The following VAV3 variants were observed in gnomAD, a reference collection of about 807,000 sequenced individuals.
VAV3 encodes the protein guanine nucleotide exchange factor VAV3.
In VAV3, 94 loss-of-function variants were observed where a neutral mutation model predicts 131.2. The ratio of observed to expected loss-of-function variants is 0.72; its 90% confidence interval spans 0.61 to 0.85. VAV3 has a LOEUF of 0.85. Ranked by LOEUF, VAV3 falls within the 40% of genes least tolerant of loss-of-function variation. The pLI is 0.00. For missense variants in VAV3, 939 were observed against 1,002.7 expected, an observed-to-expected ratio of 0.94 and a Z score of 0.86; for synonymous variants, 349 against 342.0, an observed-to-expected ratio of 1.02 and a Z score of -0.22.
chr1:107,629,804 A>T (rs1654316139), intron 20 of VAV3, among the ~76,000 whole-genome samples: 1 of 152,186 alleles, frequency 6.6e-6, no homozygotes, highest in Non-Finnish European at 1.5e-5. Context: ...ATAATAATAC[A>T]GACTAAATTA....
In VAV3 at chr1:107,772,756, C is replaced by T; in HGVS notation, c.534G>A (p.Lys178=). 6.2e-7 allele frequency: 1 copy of T among 1,613,566 alleles called. No individual in the cohort carries two copies. Among genetic ancestry groups the T allele is most frequent in the Non-Finnish European group, 8.5e-7 (1 of 1,179,742 alleles). ...CTACGGGCTGATGTGCTTCCTCTGC[C>T]TTCATTAAGTCCTCATAGACTTCTC... ...EGGEVYEDLM[K]AEEAHQPKCP... is the part of the protein sequence containing the mutation. The change falls in exon 5 of 27, where the codon AAG becomes AAA. Residue 178 remains lysine (K), a synonymous_variant. Coordinates refer to ENST00000370056, the MANE Select transcript of VAV3 (RefSeq NM_006113.5).
chr1:107,935,571 A>T (rs2101230573), intron 1 of VAV3, among the ~76,000 whole-genome samples: 1 of 152,354 alleles, frequency 6.6e-6, no homozygotes, highest in East Asian at 1.9e-4. Flanking sequence ...CAGAATGAGG[A>T]TGAACATTTC....
intron 21 of VAV3, among the ~76,000 whole-genome samples, chr1:107,614,191 T>C (rs1652965070): frequency 1.3e-5 from 2 of 152,158 alleles, no homozygotes; most frequent in South Asian, 2.1e-4. Flanking sequence ...CCAGGCTTTG[T>C]CTCTAGTTGC....
chr1:107,798,221 T>G (rs1013836842), intron 2 of VAV3, among the ~76,000 whole-genome samples: 2 of 152,226 alleles, frequency 1.3e-5, no homozygotes, highest in Non-Finnish European at 2.9e-5. Flanking sequence ...ATATTTATTC[T>G]AATTTCAACA....
At chr1:107,752,358 C>T (rs905596749) in intron 12 of VAV3, among the ~76,000 whole-genome samples, 1 of 152,140 alleles carries the variant, frequency 6.6e-6, no homozygotes, top group South Asian at 2.1e-4. Context: ...GTTTCAAATA[C>T]CCAAACATAA....
rs146720455 is a variant in VAV3, at chr1:107,698,486, T to C, written c.1705+6064A>G. ...AGCAAAGCTATAATGTACAATAGGT[T>C]AGGTGCATTGAATGCAGTTTTGACT... On this transcript the variant is annotated intron_variant, in intron 17 of 26. Coordinates refer to ENST00000370056, the MANE Select transcript of VAV3 (RefSeq NM_006113.5). 8.3e-4 allele frequency among the ~76,000 whole-genome samples: 127 copies of C among 152,358 alleles called. 1 individual carries two copies. The East Asian group carries it at 0.023, about 27-fold the overall frequency.
chr1:107,949,107 T>A (rs751892889), intron 1 of VAV3, among the ~76,000 whole-genome samples: 4 of 152,198 alleles, frequency 2.6e-5, no homozygotes, highest in Non-Finnish European at 4.4e-5. Context: ...ACAAGCTTAT[T>A]AGAATAGTGT....
intron 15 of VAV3, among the ~76,000 whole-genome samples, chr1:107,705,402 C>T (rs1398212234): frequency 6.6e-6 from 1 of 150,444 alleles, no homozygotes; most frequent in East Asian, 2.0e-4. Context: ...TCTGATAGTT[C>T]CTTGTCTGTA....
intron 7 of VAV3, among the ~76,000 whole-genome samples, chr1:107,768,022 A>G (rs1374280512): frequency 6.6e-6 from 1 of 152,206 alleles, no homozygotes; most frequent in African/African-American, 2.4e-5. Flanking sequence ...AGTAGAAGTC[A>G]AAGATGTGGA....
At chr1:107,688,017 C>T (rs1324359193) in intron 18 of VAV3, among the ~76,000 whole-genome samples, 4 of 152,162 alleles carry the variant, frequency 2.6e-5, no homozygotes, top group African/African-American at 7.2e-5. Flanking sequence ...ACTAATTCTA[C>T]GGAATTTCAG....
intron 1 of VAV3, among the ~76,000 whole-genome samples, chr1:107,912,045 TTTTG>T (rs145523872): frequency 0.028 from 4,315 of 152,284 alleles, 99 homozygotes; most frequent in East Asian, 0.1. Context: ...ACCAAGTGTT[TTTTG>T]TTTGTTTGTT....
At chr1:107,772,876 C>T in intron 4 of VAV3, 33 bp from the exon 5 acceptor site, 1 of 1,574,618 alleles carries the variant, frequency 6.4e-7, no homozygotes, top group Non-Finnish European at 8.7e-7. Context: ...AGGTCATTTT[C>T]TATTATGCAG....
At chr1:107,675,508 A>C (rs1658139598) in intron 19 of VAV3, among the ~76,000 whole-genome samples, 1 of 152,210 alleles carries the variant, frequency 6.6e-6, no homozygotes, top group African/African-American at 2.4e-5. Context: ...AAGTGCTATT[A>C]TGCATGAATA....
rs567830988 is a variant in VAV3, at chr1:107,614,963, T to C, written c.1980+2604A>G. Among the ~76,000 whole-genome samples the C allele has an allele frequency of 4.6e-5, 7 of 152,268 alleles. No homozygotes were observed. In the East Asian group the frequency reaches 1.2e-3, roughly 25 times the overall value. On this transcript the variant is annotated intron_variant, in intron 21 of 26. Transcript: ENST00000370056. ...ATATCCTGCCACCTGCCTACAGATA[T>C]ACATCACTACTTTACAGATAGGAAG... is the stretch of plus-strand genomic sequence containing the variant.
Position 107,874,958 on chromosome 1 carries a change from C to G in VAV3, c.264G>C (p.Met88Ile). The change falls in exon 2 of 27, where the codon ATG becomes ATC. Residue 88 changes from methionine to isoleucine, a missense_variant. Coordinates refer to ENST00000370056, the MANE Select transcript of VAV3 (RefSeq NM_006113.5). The part of the protein sequence containing the change: ...FLTACCETFG[M>I]RKSELFEAFD... ...ATGCCTCGAAAAGTTCACTTTTCCT[C>G]ATTCCAAACGTCTCACAACAGGCCG... 1 of 1,613,416 alleles carries G rather than the reference C, an allele frequency of 6.2e-7. No individual in the cohort carries two copies. Among genetic ancestry groups the G allele is most frequent in the Non-Finnish European group, 8.5e-7 (1 of 1,179,580 alleles).
chr1:107,878,651 A>C (rs998921267), intron 1 of VAV3, among the ~76,000 whole-genome samples: 1 of 152,134 alleles, frequency 6.6e-6, no homozygotes, highest in Admixed American at 6.5e-5. Flanking sequence ...TGAACTTCAT[A>C]TTTCATCACA....
chr1:107,863,109 T>C (rs538283507), intron 2 of VAV3, among the ~76,000 whole-genome samples: 2 of 152,204 alleles, frequency 1.3e-5, no homozygotes, highest in Non-Finnish European at 2.9e-5. Flanking sequence ...CTACATTAAT[T>C]TGAAACCCAC....
At chr1:107,921,398 G>A (rs1672891417) in intron 1 of VAV3, among the ~76,000 whole-genome samples, 1 of 152,168 alleles carries the variant, frequency 6.6e-6, no homozygotes, top group South Asian at 2.1e-4. Context: ...GTAAGGAACT[G>A]GGGAAAGGTA....
Position 107,821,860 on chromosome 1 carries a change from C to T in VAV3, c.322-42368G>A, listed in dbSNP as rs563909196. Among the ~76,000 whole-genome samples, 12 of 152,254 alleles carry T rather than the reference C, an allele frequency of 7.9e-5. No homozygotes were observed. In the East Asian group the frequency reaches 2.3e-3, roughly 29 times the overall value. On this transcript the variant is annotated intron_variant, in intron 2 of 26. Transcript: ENST00000370056. ...AGTCCAATTAACAAGAGCAAGGTCT[C>T]GTATAAAGAAAGTGATTTATTCCAA...
Sources: allele counts gnomAD v4.1 joint callset (sites outside exome capture counted in the v4.1 genomes callset), GRCh38; gene constraint gnomAD v4.1.1; transcripts MANE v1.5; gene names NCBI Gene and HGNC (gene_info 2026-07-23, HGNC 2026-07-21).